The following KCNJ3 variants were observed in gnomAD, a reference collection of about 807,000 sequenced individuals.
The protein encoded by KCNJ3 is potassium inwardly rectifying channel subfamily J member 3.
A neutral mutation model predicts 39.2 loss-of-function variants in KCNJ3; 4 were observed. The observed-to-expected ratio is 0.10, with a 90% CI of 0.05 to 0.23. The LOEUF (loss-of-function observed/expected upper bound fraction) is 0.23, where lower values mean the gene tolerates loss of function less well. KCNJ3 is among the 10% of genes least tolerant of loss of function. The pLI, the probability that KCNJ3 is intolerant of heterozygous loss-of-function variation, is 1.00. For synonymous variants in KCNJ3, 230 were observed against 237.4 expected (o/e 0.97, Z 0.29); for missense variants, 276 against 634.9 (o/e 0.43, Z 6.08).
intron 2 of KCNJ3, among the ~76,000 whole-genome samples, chr2:154,720,207 A>G (rs1179718234): frequency 2.0e-5 from 3 of 152,000 alleles, no homozygotes; most frequent in African/African-American, 4.8e-5. Context: ...AGGAAGGAAG[A>G]CCATCAATTC....
intron 2 of KCNJ3, among the ~76,000 whole-genome samples, chr2:154,836,610 A>T (rs1687467708): frequency 8.6e-5 from 1 of 11,648 alleles, no homozygotes; most frequent in Non-Finnish European, 1.3e-4. Context: ...AAATACATGT[A>T]CTAAAATAAT....
chr2:154,808,979 C>T (rs1454172193), intron 2 of KCNJ3, among the ~76,000 whole-genome samples: 2 of 152,062 alleles, frequency 1.3e-5, no homozygotes, highest in Admixed American at 1.3e-4. Context: ...ACCTTTCTGA[C>T]AAAAGTTGTA....
At chr2:154,738,285 T>G (rs1440896768) in intron 2 of KCNJ3, among the ~76,000 whole-genome samples, 7 of 151,598 alleles carry the variant, frequency 4.6e-5, no homozygotes, top group Admixed American at 2.0e-4. Flanking sequence ...GGAAGGGAGG[T>G]GGGGAGATGG....
chr2:154,768,936 C>A (rs1304091853), intron 2 of KCNJ3, among the ~76,000 whole-genome samples: 1 of 152,062 alleles, frequency 6.6e-6, no homozygotes, highest in Non-Finnish European at 1.5e-5. Context: ...GTATTTTATT[C>A]TTTTTGAAGT....
intron 2 of KCNJ3, among the ~76,000 whole-genome samples, chr2:154,767,972 G>A (rs1467302338): frequency 6.6e-6 from 1 of 152,182 alleles, no homozygotes; most frequent in Non-Finnish European, 1.5e-5. Flanking sequence ...TCTGTTGGCT[G>A]CATAAATGTC....
intron 2 of KCNJ3, among the ~76,000 whole-genome samples, chr2:154,803,892 T>C (rs1344639576): frequency 2.0e-5 from 3 of 152,048 alleles, no homozygotes; most frequent in Non-Finnish European, 4.4e-5. Context: ...TTATGACATT[T>C]TAAGTATAAT....
chr2:154,732,364 A>G (rs1162938073), intron 2 of KCNJ3, among the ~76,000 whole-genome samples: 4 of 152,116 alleles, frequency 2.6e-5, no homozygotes, highest in East Asian at 1.9e-4. Context: ...ACTTTACTTC[A>G]TGACAGTCAA....
chr2:154,815,151 T>G (rs937281114), intron 2 of KCNJ3, among the ~76,000 whole-genome samples: 9 of 152,230 alleles, frequency 5.9e-5, no homozygotes, highest in Non-Finnish European at 1.0e-4. Flanking sequence ...AAACATTTCC[T>G]TTAAAGCCAT....
chr2:154,851,070 C>G (rs762467878), intron 2 of KCNJ3, among the ~76,000 whole-genome samples: 36 of 151,724 alleles, frequency 2.4e-4, no homozygotes, highest in Non-Finnish European at 4.4e-5. Flanking sequence ...TTGTGAGACC[C>G]CATCTCTACA....
chr2:154,751,911 C>T (rs1405602195), intron 2 of KCNJ3, among the ~76,000 whole-genome samples: 2 of 151,770 alleles, frequency 1.3e-5, no homozygotes, highest in Admixed American at 6.6e-5. Flanking sequence ...ATTAGGGCAC[C>T]CTAATTACTT....
chr2:154,766,646 AC>A (rs1686140982), intron 2 of KCNJ3, among the ~76,000 whole-genome samples: 1 of 152,024 alleles, frequency 6.6e-6, no homozygotes, highest in Non-Finnish European at 1.5e-5. Flanking sequence ...AACCTCCACC[AC>A]CGGGTTCGAC....
intron 2 of KCNJ3, among the ~76,000 whole-genome samples, chr2:154,835,390 C>T (rs928828506): frequency 3.4e-5 from 5 of 146,766 alleles, no homozygotes; most frequent in Non-Finnish European, 7.5e-5. Flanking sequence ...GTAAATATCA[C>T]TAGCAAAGGG....
intron 2 of KCNJ3, among the ~76,000 whole-genome samples, chr2:154,851,462 T>C (rs962546580): frequency 3.3e-5 from 5 of 152,222 alleles, no homozygotes; most frequent in Non-Finnish European, 7.3e-5. Context: ...CAAGGTTCTA[T>C]GTCTTTTACT....
At chr2:154,781,662 G>T (rs1331359477) in intron 2 of KCNJ3, among the ~76,000 whole-genome samples, 1 of 151,936 alleles carries the variant, frequency 6.6e-6, no homozygotes, top group Non-Finnish European at 1.5e-5. Flanking sequence ...TTTGTTTCTG[G>T]TCACTGATAT....
At chr2:154,758,195 A>G (rs1008262654) in intron 2 of KCNJ3, among the ~76,000 whole-genome samples, 4 of 152,154 alleles carry the variant, frequency 2.6e-5, no homozygotes, top group African/African-American at 9.7e-5. Context: ...AGAATTTCAG[A>G]GTAAGGATTG....
At chr2:154,847,348 A>ATATC (rs1338332506) in intron 2 of KCNJ3, among the ~76,000 whole-genome samples, 2 of 152,204 alleles carry the variant, frequency 1.3e-5, no homozygotes, top group African/African-American at 2.4e-5. Context: ...TACAGTTAAT[A>ATATC]TATCTTGGAA....
Position 154,699,366 on chromosome 2 carries a change from C to T in KCNJ3, c.591C>T (p.Ser197=), listed in dbSNP as rs3111033. The part of the protein sequence containing the change: ...PKKRAETLMF[S]EHAVISMRDG... The stretch of plus-strand genomic sequence containing the variant: ...AGCGCGCCGAGACCCTCATGTTCAG[C>T]GAGCACGCGGTGATCTCCATGAGGG... The change falls in exon 1 of 3, where the codon AGC becomes AGT. Residue 197 remains serine, a synonymous_variant. Transcript: ENST00000295101. The surrounding 1 kb of genome is among the most constrained non-coding windows in gnomAD (Gnocchi z 6.4). The T allele has an allele frequency of 0.026, 42,213 of 1,612,170 alleles. 639 individuals carry two copies. Among genetic ancestry groups the T allele is most frequent in the East Asian group, 0.03 (1,358 of 44,838 alleles).
intron 2 of KCNJ3, among the ~76,000 whole-genome samples, chr2:154,769,614 C>G (rs182718611): frequency 6.6e-6 from 1 of 152,104 alleles, no homozygotes; most frequent in African/African-American, 2.4e-5. Flanking sequence ...GTTTTTGTGT[C>G]GATGTTCATC....
At chr2:154,740,472 A>G (rs1197147205) in intron 2 of KCNJ3, among the ~76,000 whole-genome samples, 1 of 151,976 alleles carries the variant, frequency 6.6e-6, no homozygotes, top group East Asian at 1.9e-4. Flanking sequence ...TCTCATTGCC[A>G]TTGTGGTGAC....
Sources: allele counts gnomAD v4.1 joint callset (sites outside exome capture counted in the v4.1 genomes callset), GRCh38; gene constraint gnomAD v4.1.1; non-coding constraint Gnocchi (gnomAD v3.1); transcripts MANE v1.5; gene names NCBI Gene and HGNC (gene_info 2026-07-23, HGNC 2026-07-21).